GMDS: variants seen among roughly 807,000 people sequenced by gnomAD.
GMDS encodes the protein GDP-mannose 4,6-dehydratase.
In GMDS, 20 loss-of-function variants were observed where a neutral mutation model predicts 49.9. The observed-to-expected ratio is 0.40, with a 90% CI of 0.28 to 0.58. GMDS has a LOEUF of 0.58. Ranked by LOEUF, GMDS falls within the 20% of genes least tolerant of loss-of-function variation. The probability of loss-of-function intolerance (pLI) is 0.42; values close to 1 mark genes in which losing one functional copy is unlikely to be tolerated. For missense variants in GMDS, 362 were observed against 481.4 expected, an observed-to-expected ratio of 0.75 and a Z score of 2.32; for synonymous variants, 177 against 178.6, an observed-to-expected ratio of 0.99 and a Z score of 0.07.
Position 2,124,715 on chromosome 6 carries a change from G to C in GMDS, c.119C>G (p.Ala40Gly), listed in dbSNP as rs1775323180. 2.5e-6 allele frequency: 4 copies of C among 1,613,590 alleles called. No individual in the cohort carries two copies. The highest frequency in any genetic ancestry group is 3.4e-6 in the Non-Finnish European group (4 of 1,179,654). Residue 40 changes from alanine (A) to glycine (G), a missense_variant, in exon 2 of 11, where the codon GCT becomes GGT. Ala to Gly is a moderately conservative substitution (Grantham distance 60, BLOSUM62 0). Coordinates refer to ENST00000380815, the MANE Select transcript of GMDS (RefSeq NM_001500.4). Reference protein sequence around the residue: ...GITGQDGSYLAEFLLEKGYEV... With the variant: ...GITGQDGSYLGEFLLEKGYEV... ...ATAGCCTTTCTCCAGCAGGAACTCAGCCAGGTAGGAACCATCCTGGGGAGA... is the reference window on the plus strand; with the variant it reads ...ATAGCCTTTCTCCAGCAGGAACTCACCCAGGTAGGAACCATCCTGGGGAGA...
chr6:1,954,892 A>G (rs893346344), intron 6 of GMDS, among the ~76,000 whole-genome samples: 1 of 152,156 alleles, frequency 6.6e-6, no homozygotes, highest in African/African-American at 2.4e-5. Flanking sequence ...GAGCAGCCAG[A>G]ACACACACAA....
At chr6:1,985,677 G>A (rs1765502193) in intron 4 of GMDS, among the ~76,000 whole-genome samples, 1 of 152,064 alleles carries the variant, frequency 6.6e-6, no homozygotes, top group Non-Finnish European at 1.5e-5. Flanking sequence ...ATATAGAAAG[G>A]TGCAAGCCTT....
At chr6:1,965,927 A>G (rs1201899054) in intron 4 of GMDS, among the ~76,000 whole-genome samples, 2 of 152,214 alleles carry the variant, frequency 1.3e-5, no homozygotes, top group Non-Finnish European at 2.9e-5. Context: ...ACACGAAAAC[A>G]TGGAAGGTCC....
chr6:1,657,424 T>C (rs939874846), intron 9 of GMDS, among the ~76,000 whole-genome samples: 2 of 152,176 alleles, frequency 1.3e-5, no homozygotes, highest in East Asian at 1.9e-4. Context: ...GACAGCAACA[T>C]GGCAGATTAT....
Position 2,184,064 on chromosome 6 carries a change from T to C in GMDS, c.103-59333A>G, listed in dbSNP as rs114366995. ...TTACATATTCATGTGACTCATTTTA[T>C]TGTCATATTCACTTTGGGATCACAG... On this transcript the variant is annotated intron_variant, in intron 1 of 10. Transcript: ENST00000380815. Among the ~76,000 whole-genome samples the C allele has an allele frequency of 5.7e-3, 875 of 152,300 alleles. 10 individuals are homozygous for C. The highest frequency in any genetic ancestry group is 0.02 in the African/African-American group (832 of 41,556).
At chr6:1,634,723 C>CAGACCT (rs1226869258) in intron 9 of GMDS, among the ~76,000 whole-genome samples, 1 of 152,100 alleles carries the variant, frequency 6.6e-6, no homozygotes, top group African/African-American at 2.4e-5. Context: ...CAGATGCTGC[C>CAGACCT]TGTGGGTTAG....
intron 6 of GMDS, among the ~76,000 whole-genome samples, chr6:1,935,944 G>T (rs1176281221): frequency 6.6e-6 from 1 of 152,192 alleles, no homozygotes; most frequent in Non-Finnish European, 1.5e-5. Context: ...GGTGAAGGGG[G>T]ATCTCCAGAG....
rs539731357 is a variant in GMDS at position 2,079,747 on chromosome 6, T to C, written c.345+36024A>G. On this transcript the variant is annotated intron_variant, in intron 4 of 10. Coordinates refer to ENST00000380815, the MANE Select transcript of GMDS (RefSeq NM_001500.4). ...CTTTTTCAGAATTCTGTCTTTGACT[T>C]TAGATAGTTTGACTATAATGTGCCA... Among the ~76,000 whole-genome samples the C allele has an allele frequency of 2.2e-4, 34 of 152,274 alleles. 1 individual carries two copies. The South Asian group carries it at 2.5e-3, about 11-fold the overall frequency.
At chr6:2,072,488 C>G (rs928495699) in intron 4 of GMDS, among the ~76,000 whole-genome samples, 14 of 152,148 alleles carry the variant, frequency 9.2e-5, no homozygotes, top group African/African-American at 3.1e-4. Context: ...CTATTAGGAG[C>G]ATGAACTCTA....
intron 4 of GMDS, 128 bp downstream of exon 4, chr6:2,115,643 T>A: frequency 1.5e-6 from 1 of 653,314 alleles, no homozygotes; most frequent in East Asian, 2.5e-5. Context: ...ATACTTAAAC[T>A]AACACTGACA....
At chr6:2,057,182 C>G (rs895475255) in intron 4 of GMDS, among the ~76,000 whole-genome samples, 1 of 152,192 alleles carries the variant, frequency 6.6e-6, no homozygotes, top group Non-Finnish European at 1.5e-5. Flanking sequence ...CATCATCCCT[C>G]TCTCAACCAC....
chr6:2,148,503 C>G (rs1010001172), intron 1 of GMDS, among the ~76,000 whole-genome samples: 3 of 152,182 alleles, frequency 2.0e-5, no homozygotes, highest in Non-Finnish European at 2.9e-5. Context: ...TCACTGAAAC[C>G]TTCACGTCCT....
chr6:1,975,282 G>A (rs1486098324), intron 4 of GMDS, among the ~76,000 whole-genome samples: 1 of 152,192 alleles, frequency 6.6e-6, no homozygotes, highest in Non-Finnish European at 1.5e-5. Flanking sequence ...AAGGAAGAAT[G>A]AGGGGGAAAC....
intron 6 of GMDS, among the ~76,000 whole-genome samples, chr6:1,959,326 A>G (rs1763811956): frequency 6.6e-6 from 1 of 152,212 alleles, no homozygotes; most frequent in Admixed American, 6.5e-5. Context: ...ATTACTATGT[A>G]CTCCATAAAA....
In GMDS at chr6:2,126,092, G is replaced by A. The variant is rs1775417509; in HGVS notation, c.103-1361C>T. On this transcript the variant is annotated intron_variant, in intron 1 of 10. Coordinates refer to ENST00000380815, the MANE Select transcript of GMDS (RefSeq NM_001500.4). ...AAATATTTCATGTGCCACTTTTAGAGGGAAAGTATGAGAGACATATAATTA... is the reference window on the plus strand; with the variant it reads ...AAATATTTCATGTGCCACTTTTAGAAGGAAAGTATGAGAGACATATAATTA... Among the ~76,000 whole-genome samples the A allele has an allele frequency of 3.3e-5, 5 of 152,094 alleles. No individual in the cohort carries two copies. In the South Asian group the frequency reaches 8.3e-4, roughly 25 times the overall value.
Position 2,049,947 on chromosome 6 carries a change from C to G in GMDS, c.345+65824G>C, listed in dbSNP as rs555613593. Among the ~76,000 whole-genome samples, 5 of 152,068 alleles carry G rather than the reference C, an allele frequency of 3.3e-5. No individual in the cohort carries two copies. In the East Asian group the frequency reaches 9.7e-4, roughly 29 times the overall value. On this transcript the variant is annotated intron_variant, in intron 4 of 10. Transcript: ENST00000380815. The stretch of plus-strand genomic sequence containing the variant: ...AGCAGAAAACATCTAAAATCAACAC[C>G]CTAACATCACAATTAACAGAACTAG...
At chr6:1,740,138 G>A (rs1767208230) in intron 8 of GMDS, among the ~76,000 whole-genome samples, 2 of 151,980 alleles carry the variant, frequency 1.3e-5, no homozygotes, top group African/African-American at 4.8e-5. Flanking sequence ...CATTAAACTT[G>A]TTTAAGTATA....
intron 7 of GMDS, among the ~76,000 whole-genome samples, chr6:1,792,260 G>C (rs556111127): frequency 1.3e-5 from 2 of 148,726 alleles, no homozygotes; most frequent in African/African-American, 5.0e-5. Context: ...TTTTTTCCTC[G>C]GATTAGTTTT....
intron 4 of GMDS, among the ~76,000 whole-genome samples, chr6:1,964,265 T>A (rs1535704): frequency 0.63 from 95,383 of 152,028 alleles, 30,006 homozygotes; most frequent in Admixed American, 0.66. Flanking sequence ...GACCAGTCAA[T>A]TTTGAACAAC....
Sources: gnomAD v4.1 joint callset for allele counts (sites outside exome capture counted in the v4.1 genomes callset) on GRCh38, gnomAD v4.1.1 for gene constraint, MANE v1.5 for transcripts, NCBI Gene and HGNC (gene_info 2026-07-23, HGNC 2026-07-21) for gene names.